The following EYS variants were observed in gnomAD, a reference collection of about 807,000 sequenced individuals.
The protein encoded by EYS is protein eyes shut homolog.
A neutral mutation model predicts 282.1 loss-of-function variants in EYS; 250 were observed. That is an observed-to-expected ratio of 0.89 (90% CI 0.80 to 0.98). The LOEUF (loss-of-function observed/expected upper bound fraction) is 0.98, where lower values mean the gene tolerates loss of function less well. Among genes scored for constraint, EYS ranks in the 50% least tolerant of loss-of-function variants. The pLI is 0.00. For synonymous variants in EYS, 1,355 were observed against 1,282.9 expected (o/e 1.06, Z -1.20); for missense variants, 4,016 against 3,709.0 (o/e 1.08, Z -2.15).
intron 2 of EYS, among the ~76,000 whole-genome samples, chr6:65,545,987 TAA>T (rs1768369834): frequency 6.6e-6 from 1 of 151,874 alleles, no homozygotes; most frequent in South Asian, 2.1e-4. Context: ...TTTAGATTTG[TAA>T]AAAATTTAAT....
chr6:65,031,884 T>C (rs951128226), intron 13 of EYS, among the ~76,000 whole-genome samples: 1 of 151,446 alleles, frequency 6.6e-6, no homozygotes, highest in South Asian at 2.1e-4. Context: ...AAATCAGAGC[T>C]GAACTGAAAT....
At chr6:64,795,293 G>T (rs1367574232) in intron 22 of EYS, among the ~76,000 whole-genome samples, 1 of 151,564 alleles carries the variant, frequency 6.6e-6, no homozygotes, top group Non-Finnish European at 1.5e-5. Flanking sequence ...CATGATATTT[G>T]TGTTTCCTAG....
chr6:64,912,392 C>A, intron 16 of EYS, 92 bp downstream of exon 16: 1 of 1,164,622 alleles, frequency 8.6e-7, no homozygotes, highest in Non-Finnish European at 1.2e-6. Flanking sequence ...TTTTCCAACC[C>A]ATTTTAGGAG....
At chr6:64,998,949 G>T (rs115150021) in intron 13 of EYS, among the ~76,000 whole-genome samples, 2,241 of 152,246 alleles carry the variant, frequency 0.015, 53 homozygotes, top group African/African-American at 0.051. Context: ...TTTCAGCATT[G>T]ATGTTACGTG....
chr6:64,709,405 G>A (rs1281018222), intron 22 of EYS, among the ~76,000 whole-genome samples: 3 of 152,022 alleles, frequency 2.0e-5, no homozygotes, highest in Non-Finnish European at 4.4e-5. Flanking sequence ...CCAGTTAGAT[G>A]ACATTACACC....
chr6:65,503,971 G>C (rs182505951), intron 2 of EYS, among the ~76,000 whole-genome samples: 23 of 151,690 alleles, frequency 1.5e-4, no homozygotes, highest in African/African-American at 5.5e-4. Flanking sequence ...CTATAACCAG[G>C]GTGCCAATTT....
chr6:65,329,625 A>G, intron 11 of EYS: 1 of 982,186 alleles, frequency 1.0e-6, no homozygotes, highest in Non-Finnish European at 1.2e-6. Flanking sequence ...TTGAAGGCAG[A>G]AAAGTTTGCA....
intron 35 of EYS, among the ~76,000 whole-genome samples, chr6:63,912,076 C>T (rs1297255886): frequency 2.6e-5 from 4 of 151,910 alleles, no homozygotes; most frequent in Non-Finnish European, 5.9e-5. Context: ...TCCTTGAAGC[C>T]CTAGATTTAG....
chr6:63,833,246 G>A (rs536102051), intron 36 of EYS, among the ~76,000 whole-genome samples: 2 of 152,120 alleles, frequency 1.3e-5, no homozygotes, highest in East Asian at 3.9e-4. Context: ...GAAATGAAGT[G>A]TATTCAATTA....
intron 21 of EYS, among the ~76,000 whole-genome samples, chr6:64,819,593 T>G (rs1001107842): frequency 1.3e-5 from 2 of 151,970 alleles, no homozygotes; most frequent in African/African-American, 4.8e-5. Context: ...AATCATAATA[T>G]ATTCACTATG....
intron 34 of EYS, among the ~76,000 whole-genome samples, chr6:63,988,164 A>C (rs191484717): frequency 1.8e-3 from 278 of 151,786 alleles, no homozygotes; most frequent in African/African-American, 6.5e-3. Flanking sequence ...AACTATTAGC[A>C]GATCTGTCTA....
chr6:65,221,551 G>T (rs1465552847), intron 12 of EYS, among the ~76,000 whole-genome samples: 1 of 152,196 alleles, frequency 6.6e-6, no homozygotes, highest in Non-Finnish European at 1.5e-5. Flanking sequence ...AGGATGTATG[G>T]AAACACCTGG....
chr6:63,876,396 G>A (rs1266311778), intron 35 of EYS, among the ~76,000 whole-genome samples: 1 of 152,202 alleles, frequency 6.6e-6, no homozygotes, highest in Non-Finnish European at 1.5e-5. Flanking sequence ...TTCCAACTAT[G>A]TGGTCAGTTT....
chr6:64,194,549 A>C (rs1765222324), intron 31 of EYS, among the ~76,000 whole-genome samples: 1 of 152,136 alleles, frequency 6.6e-6, no homozygotes, highest in Non-Finnish European at 1.5e-5. Flanking sequence ...TCTTAATTGC[A>C]TCAATATATT....
intron 12 of EYS, among the ~76,000 whole-genome samples, chr6:65,220,539 C>T (rs1234858296): frequency 1.3e-5 from 2 of 152,108 alleles, no homozygotes; most frequent in Admixed American, 6.5e-5. Context: ...TGAGGTCTCC[C>T]CAGCATGCGG....
chr6:65,651,006 G>C (rs1189596438), intron 1 of EYS, among the ~76,000 whole-genome samples: 1 of 152,012 alleles, frequency 6.6e-6, no homozygotes, highest in African/African-American at 2.4e-5. Flanking sequence ...CTTATGTTTT[G>C]AAAATGAAAG....
At chr6:64,697,871 G>A (rs1770638516) in intron 22 of EYS, among the ~76,000 whole-genome samples, 1 of 152,234 alleles carries the variant, frequency 6.6e-6, no homozygotes, top group South Asian at 2.1e-4. Context: ...GAACCTGGGA[G>A]GCTGAGGTTG....
intron 35 of EYS, among the ~76,000 whole-genome samples, chr6:63,934,888 T>A (rs895457148): frequency 6.6e-6 from 1 of 151,664 alleles, no homozygotes; most frequent in African/African-American, 2.4e-5. Context: ...ACCCTAAAAC[T>A]TAAATTATAA....
At chr6:65,219,834 A>G (rs1478454052) in intron 12 of EYS, among the ~76,000 whole-genome samples, 1 of 152,108 alleles carries the variant, frequency 6.6e-6, no homozygotes, top group Non-Finnish European at 1.5e-5. Flanking sequence ...AATGAGAACC[A>G]AGAGAAAGAG....
Sources: allele counts gnomAD v4.1 joint callset (sites outside exome capture counted in the v4.1 genomes callset), GRCh38; gene constraint gnomAD v4.1.1; transcripts MANE v1.5; gene names NCBI Gene and HGNC (gene_info 2026-07-23, HGNC 2026-07-21).